The following ADARB2 variants were observed in gnomAD, a reference collection of about 807,000 sequenced individuals.
ADARB2 encodes the protein inactive double-stranded RNA-specific editase B2.
A neutral mutation model predicts 62.2 loss-of-function variants in ADARB2; 25 were observed. The ratio of observed to expected loss-of-function variants is 0.40; its 90% CI spans 0.29 to 0.56. The LOEUF is 0.56. Ranked by LOEUF, ADARB2 falls within the 20% of genes least tolerant of loss-of-function variation. The pLI is 0.43. For synonymous variants in ADARB2, 572 were observed against 500.8 expected (o/e 1.14, Z -1.90); for missense variants, 1,071 against 1,077.4 (o/e 0.99, Z 0.08).
chr10:1,222,170 A>C (rs959141816), intron 6 of ADARB2, among the ~76,000 whole-genome samples: 7 of 152,178 alleles, frequency 4.6e-5, no homozygotes, highest in African/African-American at 1.7e-4. Context: ...ATGGCCAGTG[A>C]TGATGAGCAT....
chr10:1,447,095 A>G (rs1830979498), intron 1 of ADARB2, among the ~76,000 whole-genome samples: 1 of 152,198 alleles, frequency 6.6e-6, no homozygotes, highest in South Asian at 2.1e-4. Context: ...TATATGCCAG[A>G]TTTACTCAAA....
chr10:1,619,389 T>C (rs4567375), intron 1 of ADARB2, among the ~76,000 whole-genome samples: 1 of 151,540 alleles, frequency 6.6e-6, no homozygotes, highest in Non-Finnish European at 1.5e-5. Flanking sequence ...AGGTGGAAAA[T>C]TAAATGACAG....
At chr10:1,191,461 G>T (rs1348815707) in intron 8 of ADARB2, among the ~76,000 whole-genome samples, 3 of 152,118 alleles carry the variant, frequency 2.0e-5, no homozygotes, top group African/African-American at 7.2e-5. Context: ...GTGTAGCCTG[G>T]TGGTGAGCAG....
chr10:1,226,927 C>A (rs1040376839), intron 6 of ADARB2, among the ~76,000 whole-genome samples: 103 of 152,370 alleles, frequency 6.8e-4, no homozygotes, highest in Non-Finnish European at 1.1e-3. Context: ...CTCTTCAAAG[C>A]TGTCAGAGAG....
At chr10:1,455,852 T>C (rs938984482) in intron 1 of ADARB2, among the ~76,000 whole-genome samples, 1 of 152,150 alleles carries the variant, frequency 6.6e-6, no homozygotes, top group Non-Finnish European at 1.5e-5. Context: ...TTCTCACCTA[T>C]CACCACACAA....
At chr10:1,245,621 A>C (rs1457517597) in intron 4 of ADARB2, among the ~76,000 whole-genome samples, 2 of 151,978 alleles carry the variant, frequency 1.3e-5, no homozygotes, top group East Asian at 3.9e-4. Flanking sequence ...GTTTGCTGAG[A>C]ATGATGGTTT....
Position 1,181,545 on chromosome 10 carries a change from A to T in ADARB2, c.*1648T>A, listed in dbSNP as rs911679597. ...AATCCCAGGAAAAGTTTCTTTTTCCATACTAATATCTCTACTTCTTATTAT... is the reference window on the plus strand; with the variant it reads ...AATCCCAGGAAAAGTTTCTTTTTCCTTACTAATATCTCTACTTCTTATTAT... On this transcript the variant is annotated 3_prime_UTR_variant, in exon 10 of 10. Transcript: ENST00000381312. The T allele has an allele frequency of 2.6e-5, 4 of 152,246 alleles. No homozygotes were observed. The highest frequency in any genetic ancestry group is 4.4e-5 in the Non-Finnish European group (3 of 68,048). 9.4% of individuals were successfully genotyped at this position (152,246 alleles called of 1,614,324 possible). A position where few individuals can be genotyped will look rare whatever the true frequency, so the allele number is the denominator to read the frequency against.
intron 1 of ADARB2, among the ~76,000 whole-genome samples, chr10:1,718,036 T>C (rs988234418): frequency 6.6e-6 from 1 of 151,824 alleles, no homozygotes; most frequent in African/African-American, 2.4e-5. Context: ...ATGAATAATA[T>C]AGTTAGAAAA....
chr10:1,432,416 C>T (rs2249266), intron 1 of ADARB2, among the ~76,000 whole-genome samples: 36 of 151,452 alleles, frequency 2.4e-4, no homozygotes, highest in Non-Finnish European at 3.5e-4. Context: ...AGGAAGCTCA[C>T]GCCCCTAATT....
chr10:1,276,891 G>A (rs1481911324), intron 3 of ADARB2, among the ~76,000 whole-genome samples: 10 of 152,126 alleles, frequency 6.6e-5, no homozygotes, highest in African/African-American at 1.4e-4. Flanking sequence ...AAGAACAGAA[G>A]TTATAACAAA....
intron 1 of ADARB2, among the ~76,000 whole-genome samples, chr10:1,647,262 G>T (rs1009519055): frequency 1.3e-5 from 2 of 152,188 alleles, no homozygotes; most frequent in Non-Finnish European, 2.9e-5. Context: ...AGGATTGCAT[G>T]AGTCACTATT....
At chr10:1,576,670 C>T (rs543476064) in intron 1 of ADARB2, among the ~76,000 whole-genome samples, 10 of 152,184 alleles carry the variant, frequency 6.6e-5, no homozygotes, top group African/African-American at 1.9e-4. Flanking sequence ...CTGTAGTGAG[C>T]GGAGGGGCGC....
intron 1 of ADARB2, among the ~76,000 whole-genome samples, chr10:1,540,926 T>TCACAG (rs561312724): frequency 4.7e-5 from 3 of 64,248 alleles, no homozygotes; most frequent in African/African-American, 1.3e-4. Context: ...AGACCCTGGA[T>TCACAG]CCGTCCAGAC....
rs1264914465 is a variant in ADARB2, at chr10:1,183,010, G to A, written c.*183C>T. ...TGGGGGACAGGGTTCTGGGGCCAGC[G>A]ATCTGGAAAGAGGCACGTTCTGAAT... On this transcript the variant is annotated 3_prime_UTR_variant, in exon 10 of 10. Transcript: ENST00000381312. The A allele has an allele frequency of 1.6e-5, 11 of 687,752 alleles. No homozygotes were observed. Among genetic ancestry groups the A allele is most frequent in the African/African-American group, 7.2e-5 (4 of 55,380 alleles). The allele number at this position is 687,752 out of a possible 1,614,324, so 42.6% of individuals were successfully genotyped here.
At chr10:1,282,048 T>C (rs1831375508) in intron 3 of ADARB2, among the ~76,000 whole-genome samples, 1 of 152,194 alleles carries the variant, frequency 6.6e-6, no homozygotes, top group Non-Finnish European at 1.5e-5. Context: ...TCAGCAAGTC[T>C]CACCTCCTGG....
chr10:1,233,868 G>C lies in ADARB2; in HGVS notation c.1362-23C>G, dbSNP rs374048281. 30 of 1,606,860 alleles carry C rather than the reference G, an allele frequency of 1.9e-5. No individual in the cohort carries two copies. The African/African-American group carries it at 3.7e-4, about 20-fold the overall frequency. On this transcript the variant is annotated intron_variant, in intron 5 of 9. Coordinates refer to ENST00000381312, the MANE Select transcript of ADARB2 (RefSeq NM_018702.4). ...TTGCTAGGGTCACAAAGAGGTTTGG[G>C]GTCATTTATCACAAACCAAACCAGA...
At chr10:1,719,736 TG>T (rs1467649668) in intron 1 of ADARB2, among the ~76,000 whole-genome samples, 1 of 152,194 alleles carries the variant, frequency 6.6e-6, no homozygotes, top group South Asian at 2.1e-4. Flanking sequence ...GCAAAGGACA[TG>T]ATCAAACACG....
At chr10:1,684,573 T>C (rs1394492856) in intron 1 of ADARB2, among the ~76,000 whole-genome samples, 1 of 152,224 alleles carries the variant, frequency 6.6e-6, no homozygotes, top group East Asian at 1.9e-4. Flanking sequence ...TTCCTTTTTC[T>C]CTTGTCCCTT....
At chr10:1,473,129 A>T (rs1287356644) in intron 1 of ADARB2, among the ~76,000 whole-genome samples, 1 of 152,134 alleles carries the variant, frequency 6.6e-6, no homozygotes, top group Non-Finnish European at 1.5e-5. Context: ...AGGTCAAACC[A>T]CGCACCCGTC....
Sources: gnomAD v4.1 joint callset for allele counts (sites outside exome capture counted in the v4.1 genomes callset) on GRCh38, gnomAD v4.1.1 for gene constraint, MANE v1.5 for transcripts, NCBI Gene and HGNC (gene_info 2026-07-23, HGNC 2026-07-21) for gene names.